KCNIP1: variants seen among roughly 807,000 people sequenced by gnomAD.
KCNIP1 encodes A-type potassium channel modulatory protein KCNIP1.
A neutral mutation model predicts 33.0 loss-of-function variants in KCNIP1; 18 were observed. The ratio of observed to expected loss-of-function variants is 0.55; its 90% CI spans 0.38 to 0.81. The LOEUF is 0.81. Ranked by LOEUF, KCNIP1 falls within the 30% of genes least tolerant of loss-of-function variation. KCNIP1 has a pLI of 0.00. For synonymous variants in KCNIP1, 93 were observed against 98.3 expected, an observed-to-expected ratio of 0.95 and a Z score of 0.32; for missense variants, 238 against 271.6, an observed-to-expected ratio of 0.88 and a Z score of 0.87.
At chr5:170,718,552 G>A (rs188836899) in intron 1 of KCNIP1, among the ~76,000 whole-genome samples, 26 of 152,230 alleles carry the variant, frequency 1.7e-4, no homozygotes, top group African/African-American at 4.3e-4. Context: ...CTCCAACGCC[G>A]AAGCCCCCTC....
intron 1 of KCNIP1, among the ~76,000 whole-genome samples, chr5:170,601,840 G>A (rs1014591410): frequency 6.6e-6 from 1 of 152,168 alleles, no homozygotes; most frequent in African/African-American, 2.4e-5. Context: ...TGCGGACGTC[G>A]AGCAGGGGCC....
chr5:170,537,666 G>A (rs902862476), intron 1 of KCNIP1, among the ~76,000 whole-genome samples: 1 of 152,228 alleles, frequency 6.6e-6, no homozygotes, highest in Non-Finnish European at 1.5e-5. Context: ...GTGACACGAG[G>A]TGTCAACTCC....
At chr5:170,622,622 CAAAA>C (rs371896008) in intron 1 of KCNIP1, among the ~76,000 whole-genome samples, 2 of 103,732 alleles carry the variant, frequency 1.9e-5, no homozygotes, top group Non-Finnish European at 2.0e-5. Flanking sequence ...GACTCTGTCT[CAAAA>C]AAAAAAAAAA....
chr5:170,408,145 T>A (rs1405120025), intron 1 of KCNIP1, among the ~76,000 whole-genome samples: 1 of 152,206 alleles, frequency 6.6e-6, no homozygotes, highest in Non-Finnish European at 1.5e-5. Flanking sequence ...CTGTTAATGT[T>A]ATCTTGAAAT....
chr5:170,532,085 C>T (rs1035417003), intron 1 of KCNIP1, among the ~76,000 whole-genome samples: 3 of 152,208 alleles, frequency 2.0e-5, no homozygotes, highest in Non-Finnish European at 4.4e-5. Context: ...CTCTAGAAAG[C>T]CTTCCTCAAA....
chr5:170,542,652 C>G (rs1756256060), intron 1 of KCNIP1, among the ~76,000 whole-genome samples: 1 of 152,118 alleles, frequency 6.6e-6, no homozygotes. Flanking sequence ...CCTATATGTA[C>G]TATGTTTTTC....
At chr5:170,371,849 A>T (rs1459276193) in intron 1 of KCNIP1, among the ~76,000 whole-genome samples, 3 of 152,202 alleles carry the variant, frequency 2.0e-5, no homozygotes, top group African/African-American at 7.2e-5. Context: ...ATTGAAGAGA[A>T]CTATTGTAGA....
intron 1 of KCNIP1, among the ~76,000 whole-genome samples, chr5:170,558,008 T>C (rs1397772476): frequency 1.3e-5 from 2 of 152,232 alleles, no homozygotes; most frequent in East Asian, 1.9e-4. Context: ...GGCTGTGGTC[T>C]ACTAGGAAAT....
intron 1 of KCNIP1, among the ~76,000 whole-genome samples, chr5:170,619,796 T>C (rs1269997753): frequency 1.3e-5 from 2 of 152,194 alleles, no homozygotes; most frequent in East Asian, 1.9e-4. Context: ...TATTGAGTCA[T>C]GGTGCCAGGG....
chr5:170,707,836 TATAA>T (rs1763313114), intron 1 of KCNIP1, among the ~76,000 whole-genome samples: 2 of 152,096 alleles, frequency 1.3e-5, no homozygotes, highest in South Asian at 4.1e-4. Context: ...GACTGAGGTA[TATAA>T]ATGAATGAGA....
intron 1 of KCNIP1, among the ~76,000 whole-genome samples, chr5:170,441,951 CAAAAAAAAAAAA>C (rs34610945): frequency 4.2e-5 from 3 of 72,224 alleles, no homozygotes; most frequent in African/African-American, 6.0e-5. Context: ...GACTCCATCT[CAAAAAAAAAAAA>C]AAAAAAAAAA....
intron 1 of KCNIP1, chr5:170,639,457 G>C (rs754107930): frequency 1.3e-5 from 2 of 152,234 alleles, no homozygotes; most frequent in East Asian, 3.9e-4. Context: ...GGCGAGGGCC[G>C]GCTCTGAGGA....
At chr5:170,687,252 G>T (rs1480836235) in intron 1 of KCNIP1, among the ~76,000 whole-genome samples, 1 of 150,126 alleles carries the variant, frequency 6.7e-6, no homozygotes, top group Non-Finnish European at 1.5e-5. Context: ...CATGATTTCT[G>T]CTCACTGCAA....
intron 1 of KCNIP1, among the ~76,000 whole-genome samples, chr5:170,617,373 G>T (rs1030100996): frequency 6.6e-6 from 1 of 151,940 alleles, no homozygotes; most frequent in South Asian, 2.1e-4. Flanking sequence ...GTAGTGGAAA[G>T]CTGGACCACT....
At chr5:170,727,548 A>T (rs1032209651) in intron 5 of KCNIP1, among the ~76,000 whole-genome samples, 1 of 152,250 alleles carries the variant, frequency 6.6e-6, no homozygotes, top group Non-Finnish European at 1.5e-5. Context: ...AATGTGTTGA[A>T]GGAAAAAAAT....
chr5:170,484,942 CT>C lies in KCNIP1; in HGVS notation c.88+130993del, dbSNP rs397999898. Among the ~76,000 whole-genome samples the C allele has an allele frequency of 4.2e-3, 539 of 129,460 alleles. 1 individual carries two copies. The highest frequency in any genetic ancestry group is 0.014 in the African/African-American group (472 of 34,352). The allele number at this position is 129,460 out of a possible 152,430, so 84.9% of individuals were successfully genotyped here. ...TTCTTTTTTTTGTTTTTTCTTTTTT[CT>C]TTTTTTTTTTTTTTGAGATGGAGTT... On this transcript the variant is annotated intron_variant, in intron 1 of 7. Coordinates refer to the KCNIP1 transcript ENST00000377360.
intron 1 of KCNIP1, among the ~76,000 whole-genome samples, chr5:170,611,386 G>A (rs934525869): frequency 1.3e-5 from 2 of 152,170 alleles, no homozygotes; most frequent in Non-Finnish European, 2.9e-5. Context: ...CAGCATCTTC[G>A]AAAGGTGAGG....
intron 1 of KCNIP1, among the ~76,000 whole-genome samples, chr5:170,402,216 ACT>A (rs1754921641): frequency 6.8e-6 from 1 of 147,544 alleles, no homozygotes; most frequent in East Asian, 2.0e-4. Flanking sequence ...GTCTACAAAG[ACT>A]CTTTTTTTCC....
rs775938552 is a variant in KCNIP1, at chr5:170,732,892, C to T, written c.528C>T (p.Asp176=). Residue 176 remains aspartate (D), a synonymous_variant, in exon 6 of 8, where the codon GAC becomes GAT. Coordinates refer to ENST00000328939, the MANE Select transcript of KCNIP1 (RefSeq NM_014592.4). ...AGGACACTCCAAGGCAGCATGTGGACGTCTTCTTCCAGGTAAGTGCACACA... is the reference window on the plus strand; with the variant it reads ...AGGACACTCCAAGGCAGCATGTGGATGTCTTCTTCCAGGTAAGTGCACACA... The part of the protein sequence containing the change: ...LKEDTPRQHV[D]VFFQKMDKNK... The T allele has an allele frequency of 1.5e-5, 24 of 1,608,558 alleles. No homozygotes were observed. Among genetic ancestry groups the T allele is most frequent in the East Asian group, 6.7e-5 (3 of 44,848 alleles).
Sources: allele counts gnomAD v4.1 joint callset (sites outside exome capture counted in the v4.1 genomes callset), GRCh38; gene constraint gnomAD v4.1.1; transcripts MANE v1.5; gene names NCBI Gene and HGNC (gene_info 2026-07-23, HGNC 2026-07-21).